CADPS2: variants seen among roughly 807,000 people sequenced by gnomAD.
CADPS2 encodes calcium-dependent secretion activator 2.
CADPS2 carries 93 observed loss-of-function variants against 172.5 expected under a neutral mutation model. That is an observed-to-expected ratio of 0.54 (90% CI 0.46 to 0.64). The LOEUF is 0.64. Ranked by LOEUF, CADPS2 falls within the 30% of genes least tolerant of loss-of-function variation. The pLI is 0.00. For missense variants in CADPS2, 1,420 were observed against 1,565.9 expected, an observed-to-expected ratio of 0.91 and a Z score of 1.57; for synonymous variants, 546 against 555.2, an observed-to-expected ratio of 0.98 and a Z score of 0.23.
intron 8 of CADPS2, among the ~76,000 whole-genome samples, chr7:122,553,843 C>A (rs572805884): frequency 5.3e-5 from 8 of 152,210 alleles, no homozygotes; most frequent in Non-Finnish European, 7.4e-5. Flanking sequence ...ATGGCTAATA[C>A]CCCTATGCTG....
rs200870044 is a variant in CADPS2 at position 122,706,313 on chromosome 7, A to AAT, written c.453+30640_453+30641dup. Among the ~76,000 whole-genome samples the AAT allele has an allele frequency of 5.2e-3, 30 of 5,808 alleles. 10 individuals carry two copies. Among genetic ancestry groups the AAT allele is most frequent in the African/African-American group, 8.6e-3 (21 of 2,450 alleles). The allele number at this position is 5,808 out of a possible 152,430, so 3.8% of individuals were successfully genotyped here. On this transcript the variant is annotated intron_variant, in intron 2 of 29. Coordinates refer to ENST00000449022, the MANE Select transcript of CADPS2 (RefSeq NM_017954.11). ...TATATATATGCTTATATATTCAAGG[A>AAT]ATATATATATATGCTTATATATTCA...
intron 3 of CADPS2, among the ~76,000 whole-genome samples, chr7:122,661,055 T>A (rs1451498913): frequency 6.6e-6 from 1 of 152,178 alleles, no homozygotes; most frequent in Non-Finnish European, 1.5e-5. Flanking sequence ...GTGGCTGTAT[T>A]AGCTTAAGAC....
intron 4 of CADPS2, among the ~76,000 whole-genome samples, chr7:122,628,727 A>G (rs2076305477): frequency 6.7e-6 from 1 of 149,852 alleles, no homozygotes; most frequent in African/African-American, 2.5e-5. Flanking sequence ...CACAAATAAA[A>G]TAAGTACAAT....
At chr7:122,384,206 C>T (rs1416632980) in intron 24 of CADPS2, among the ~76,000 whole-genome samples, 1 of 152,034 alleles carries the variant, frequency 6.6e-6, no homozygotes, top group Non-Finnish European at 1.5e-5. Context: ...ATGTTTGCAT[C>T]ATCATGTAGC....
intron 6 of CADPS2, among the ~76,000 whole-genome samples, chr7:122,582,764 T>C (rs1218749333): frequency 1.3e-5 from 2 of 152,024 alleles, no homozygotes; most frequent in African/African-American, 4.8e-5. Flanking sequence ...AGAAGACTAA[T>C]AACCTTGGGA....
At chr7:122,591,718 C>A (rs569658492) in intron 6 of CADPS2, among the ~76,000 whole-genome samples, 1 of 151,922 alleles carries the variant, frequency 6.6e-6, no homozygotes, top group Admixed American at 6.6e-5. Flanking sequence ...ACAAACCTGA[C>A]AAAAACAAGA....
chr7:122,388,833 A>C, intron 22 of CADPS2, 95 bp from the exon 23 acceptor site: 1 of 1,144,746 alleles, frequency 8.7e-7, no homozygotes, highest in Non-Finnish European at 1.2e-6. Flanking sequence ...AATTGCCATC[A>C]GTGAAAAAAA....
intron 3 of CADPS2, among the ~76,000 whole-genome samples, chr7:122,648,001 C>T (rs974024013): frequency 4.6e-5 from 7 of 152,154 alleles, no homozygotes; most frequent in Admixed American, 3.3e-4. Flanking sequence ...ATAAGGTTTG[C>T]TCTCAACCAT....
intron 9 of CADPS2, among the ~76,000 whole-genome samples, chr7:122,495,294 G>A (rs2058647389): frequency 6.6e-6 from 1 of 152,030 alleles, no homozygotes; most frequent in Non-Finnish European, 1.5e-5. Context: ...ACTCACCCAA[G>A]ACAATTTCCT....
chr7:122,610,640 G>A (rs2074179187), intron 6 of CADPS2, among the ~76,000 whole-genome samples: 2 of 151,936 alleles, frequency 1.3e-5, no homozygotes, highest in Admixed American at 1.3e-4. Context: ...CTGCACAAAT[G>A]TATAAATTTA....
intron 24 of CADPS2, 188 bp from the exon 25 acceptor site, chr7:122,379,630 A>G (rs2042758664): frequency 1.9e-6 from 1 of 538,004 alleles, no homozygotes. Context: ...TGGTTTGAAA[A>G]TTTTCCCATG....
intron 2 of CADPS2, among the ~76,000 whole-genome samples, chr7:122,694,810 C>CA (rs2084859332): frequency 1.3e-5 from 2 of 152,038 alleles, no homozygotes; most frequent in Admixed American, 6.6e-5. Context: ...TTTTAAAATA[C>CA]AAAAACAGGT....
intron 14 of CADPS2, among the ~76,000 whole-genome samples, chr7:122,467,370 C>G (rs532337703): frequency 6.6e-6 from 1 of 152,152 alleles, no homozygotes; most frequent in Non-Finnish European, 1.5e-5. Context: ...CACACTGTCT[C>G]TAAAATTACA....
At chr7:122,844,500 A>G (rs934162005) in intron 1 of CADPS2, among the ~76,000 whole-genome samples, 1 of 152,210 alleles carries the variant, frequency 6.6e-6, no homozygotes, top group Non-Finnish European at 1.5e-5. Context: ...TATAATATTC[A>G]AACTGTGAGA....
intron 27 of CADPS2, among the ~76,000 whole-genome samples, chr7:122,349,963 A>T (rs1227675635): frequency 6.6e-6 from 1 of 152,192 alleles, no homozygotes; most frequent in African/African-American, 2.4e-5. Context: ...AAACACTGTC[A>T]TGGTGCCTAT....
intron 1 of CADPS2, among the ~76,000 whole-genome samples, chr7:122,767,475 G>GT (rs2093588596): frequency 6.6e-6 from 1 of 152,000 alleles, no homozygotes. Context: ...CAACCATAGT[G>GT]TTTTTCAGGA....
At chr7:122,479,325 T>C (rs2057038706) in intron 12 of CADPS2, among the ~76,000 whole-genome samples, 1 of 152,226 alleles carries the variant, frequency 6.6e-6, no homozygotes, top group South Asian at 2.1e-4. Context: ...TATACATTTC[T>C]TATAATTCAA....
At chr7:122,500,810 T>C (rs187515279) in intron 9 of CADPS2, among the ~76,000 whole-genome samples, 2 of 152,308 alleles carry the variant, frequency 1.3e-5, no homozygotes, top group Admixed American at 6.5e-5. Flanking sequence ...ATCTGACTTA[T>C]GTAAGTGGCA....
intron 1 of CADPS2, among the ~76,000 whole-genome samples, chr7:122,779,157 T>C (rs1164501506): frequency 6.6e-6 from 1 of 152,014 alleles, no homozygotes; most frequent in Non-Finnish European, 1.5e-5. Context: ...CCATTAAACC[T>C]ATTTTTTTTT....
Sources: allele counts gnomAD v4.1 joint callset (sites outside exome capture counted in the v4.1 genomes callset), GRCh38; gene constraint gnomAD v4.1.1; transcripts MANE v1.5; gene names NCBI Gene and HGNC (gene_info 2026-07-23, HGNC 2026-07-21).